Variants in SPECC1L observed in about 807,000 individuals in gnomAD.
The protein encoded by SPECC1L is cytospin-A.
In SPECC1L, 40 loss-of-function variants were observed where a neutral mutation model predicts 116.8. That is an observed-to-expected ratio of 0.34 (90% CI 0.27 to 0.45). The LOEUF is 0.45. Ranked by LOEUF, SPECC1L falls within the 20% of genes least tolerant of loss-of-function variation. The pLI is 1.00. For missense variants in SPECC1L, 1,110 were observed against 1,373.6 expected (o/e 0.81, Z 3.03); for synonymous variants, 504 against 500.6 (o/e 1.01, Z -0.09).
chr22:24,373,172 A>G (rs887698265), intron 14 of SPECC1L, among the ~76,000 whole-genome samples: 25 of 152,224 alleles, frequency 1.6e-4, no homozygotes, highest in African/African-American at 5.5e-4. Context: ...GGTAGGAAGA[A>G]TCAATATCAT....
chr22:24,375,440 C>T (rs2041953254), intron 14 of SPECC1L, among the ~76,000 whole-genome samples: 1 of 152,124 alleles, frequency 6.6e-6, no homozygotes, highest in Non-Finnish European at 1.5e-5. Context: ...GAGGATTATA[C>T]ACCCTGACCA....
intron 14 of SPECC1L, among the ~76,000 whole-genome samples, chr22:24,406,202 A>G (rs55661567): frequency 0.019 from 2,968 of 152,290 alleles, 52 homozygotes; most frequent in African/African-American, 0.042. Context: ...GACCTCATGC[A>G]GATGGGGACA....
intron 1 of SPECC1L, among the ~76,000 whole-genome samples, chr22:24,275,359 T>TCTGAAAAATTA (rs2048816848): frequency 6.6e-6 from 1 of 152,242 alleles, no homozygotes. Context: ...CAGTAGTGCG[T>TCTGAAAAATTA]ACCAACTTTT....
chr22:24,352,767 C>G (rs759533845), intron 11 of SPECC1L, among the ~76,000 whole-genome samples: 1 of 152,108 alleles, frequency 6.6e-6, no homozygotes, highest in Non-Finnish European at 1.5e-5. Context: ...AGTCACTCCC[C>G]CTTCTTCTTC....
At chr22:24,310,134 T>A (rs2040434526) in intron 3 of SPECC1L, among the ~76,000 whole-genome samples, 1 of 152,252 alleles carries the variant, frequency 6.6e-6, no homozygotes, top group Non-Finnish European at 1.5e-5. Flanking sequence ...TCTGTTAATC[T>A]TTTCACTTAA....
At chr22:24,365,999 A>G (rs1352898587) in intron 13 of SPECC1L, among the ~76,000 whole-genome samples, 1 of 151,968 alleles carries the variant, frequency 6.6e-6, no homozygotes, top group East Asian at 1.9e-4. Context: ...GGTGGGGGGC[A>G]TGATTGGCAA....
At chr22:24,410,965 G>A (rs1281197292) in intron 14 of SPECC1L, among the ~76,000 whole-genome samples, 6 of 152,016 alleles carry the variant, frequency 3.9e-5, no homozygotes. Context: ...AAGGCGGGTG[G>A]ATCACAAGGT....
intron 6 of SPECC1L, among the ~76,000 whole-genome samples, chr22:24,327,933 T>C (rs1276131606): frequency 6.6e-6 from 1 of 152,212 alleles, no homozygotes; most frequent in African/African-American, 2.4e-5. Flanking sequence ...GGTGGGGCTG[T>C]AGGTAAATCA....
intron 14 of SPECC1L, among the ~76,000 whole-genome samples, chr22:24,403,750 A>G (rs2042527563): frequency 6.6e-6 from 1 of 152,270 alleles, no homozygotes; most frequent in Non-Finnish European, 1.5e-5. Context: ...AGGTCTGTGA[A>G]ATAAACTCGT....
rs144114825 is a variant in SPECC1L, at chr22:24,335,454, C to T, written c.2560+881C>T. On this transcript the variant is annotated intron_variant, in intron 9 of 16. Transcript: ENST00000314328. ...GAATCAAGCTGGGCTTTCTTTCATACAAGCTCTAGAAGGCTTACTCTTCCC... is the reference window on the plus strand; with the variant it reads ...GAATCAAGCTGGGCTTTCTTTCATATAAGCTCTAGAAGGCTTACTCTTCCC... Among the ~76,000 whole-genome samples, 1,256 of 152,298 alleles carry T rather than the reference C, an allele frequency of 8.2e-3. 13 individuals carry two copies. The highest frequency in any genetic ancestry group is 0.012 in the Non-Finnish European group (816 of 68,018).
intron 14 of SPECC1L, among the ~76,000 whole-genome samples, chr22:24,399,557 C>T (rs917851450): frequency 6.6e-6 from 1 of 151,306 alleles, no homozygotes; most frequent in African/African-American, 2.4e-5. Flanking sequence ...GGCGACAAAG[C>T]GAGACTCCAT....
Position 24,321,972 on chromosome 22 carries a change from A to G in SPECC1L, c.992A>G (p.Asn331Ser). 2 of 1,614,158 alleles carry G rather than the reference A, an allele frequency of 1.2e-6. No individual in the cohort carries two copies. Among genetic ancestry groups the G allele is most frequent in the Non-Finnish European group, 1.7e-6 (2 of 1,180,024 alleles). ...GAGGATCTCTTGAGTCAGGATGAAAATACACTAATGGACCATCAGCACAGT... is the reference window on the plus strand; with the variant it reads ...GAGGATCTCTTGAGTCAGGATGAAAGTACACTAATGGACCATCAGCACAGT... Reference protein sequence around the residue: ...SVEDLLSQDENTLMDHQHSNS... With the variant: ...SVEDLLSQDESTLMDHQHSNS... The change falls in exon 5 of 17, where the codon AAT becomes AGT. Residue 331 changes from asparagine (N) to serine (S), a missense_variant. This residue lies in a region of SPECC1L where 437 missense variants were observed against 482.6 expected (regional missense o/e 0.91). Coordinates refer to ENST00000314328, the MANE Select transcript of SPECC1L (RefSeq NM_015330.6).
chr22:24,343,451 T>G (rs199807315), intron 10 of SPECC1L: 106 of 408,352 alleles, frequency 2.6e-4, no homozygotes, highest in Admixed American at 2.6e-3. Context: ...AATGGTTGTG[T>G]TTTTTTTTTG....
chr22:24,362,692 G>A (rs2146620845), intron 11 of SPECC1L, among the ~76,000 whole-genome samples: 1 of 152,132 alleles, frequency 6.6e-6, no homozygotes, highest in Admixed American at 6.5e-5. Context: ...TCTGACTGTT[G>A]TTGGCTAAAA....
intron 14 of SPECC1L, among the ~76,000 whole-genome samples, chr22:24,391,117 C>T (rs1438529307): frequency 4.6e-5 from 7 of 151,902 alleles, no homozygotes; most frequent in South Asian, 4.2e-4. Flanking sequence ...TCTTGGGATC[C>T]GCCCGCCTTG....
chr22:24,290,050 C>T (rs1472868299), intron 2 of SPECC1L, among the ~76,000 whole-genome samples: 1 of 152,216 alleles, frequency 6.6e-6, no homozygotes, highest in Non-Finnish European at 1.5e-5. Context: ...ACTTGGCCTC[C>T]ATCCCTCCAC....
intron 2 of SPECC1L, among the ~76,000 whole-genome samples, chr22:24,285,719 C>G (rs533911158): frequency 1.3e-5 from 2 of 152,236 alleles, no homozygotes; most frequent in Admixed American, 6.5e-5. Context: ...TCTCAGCTCA[C>G]TGCGACCTCC....
In SPECC1L at chr22:24,377,314, C is replaced by CT. The variant is rs1368399625; in HGVS notation, c.3087+8004dup. Among the ~76,000 whole-genome samples the CT allele has an allele frequency of 1.5e-4, 23 of 150,204 alleles. No individual in the cohort carries two copies. In the East Asian group the frequency reaches 3.9e-3, roughly 25 times the overall value. ...TTATTATAAATGTCACTGTTAAGAA[C>CT]TTTTTTTTTTCGACATGAGGTCTCA... is the stretch of plus-strand genomic sequence containing the variant. On this transcript the variant is annotated intron_variant, in intron 14 of 16. Transcript: ENST00000314328.
chr22:24,281,162 G>A (rs2048936034), intron 2 of SPECC1L, among the ~76,000 whole-genome samples: 1 of 152,192 alleles, frequency 6.6e-6, no homozygotes, highest in Non-Finnish European at 1.5e-5. Context: ...TGTGTTCCTG[G>A]AAGCATCTGA....
Sources: gnomAD v4.1 joint callset for allele counts (sites outside exome capture counted in the v4.1 genomes callset) on GRCh38, gnomAD v4.1.1 for gene constraint, gnomAD v4.1.1 regional missense constraint, MANE v1.5 for transcripts, NCBI Gene and HGNC (gene_info 2026-07-23, HGNC 2026-07-21) for gene names.